Variants in CAMTA1 observed in about 807,000 individuals in gnomAD.
The protein encoded by CAMTA1 is calmodulin-binding transcription activator 1.
CAMTA1 carries 27 observed loss-of-function variants against 170.9 expected under a neutral mutation model. The observed-to-expected ratio is 0.16, with a 90% CI of 0.12 to 0.22. The LOEUF (loss-of-function observed/expected upper bound fraction) is 0.22, where lower values mean the gene tolerates loss of function less well. Among genes scored for constraint, CAMTA1 ranks in the 10% least tolerant of loss-of-function variants. The pLI is 1.00. For synonymous variants in CAMTA1, 833 were observed against 891.5 expected (o/e 0.93, Z 1.17); for missense variants, 1,619 against 2,217.2 (o/e 0.73, Z 5.42).
intron 5 of CAMTA1, among the ~76,000 whole-genome samples, chr1:7,261,755 T>C (rs1372560423): frequency 6.6e-6 from 1 of 152,208 alleles, no homozygotes; most frequent in Non-Finnish European, 1.5e-5. Flanking sequence ...AGCTCCCAGG[T>C]AACATTCAAT....
chr1:6,943,779 G>A (rs1296415745), intron 3 of CAMTA1, among the ~76,000 whole-genome samples: 3 of 150,254 alleles, frequency 2.0e-5, no homozygotes, highest in African/African-American at 4.9e-5. Context: ...CCTGGGAGGC[G>A]GAGGTTGCAG....
chr1:7,419,501 T>C (rs845257), intron 5 of CAMTA1, among the ~76,000 whole-genome samples: 128,125 of 152,076 alleles, frequency 0.84, 54,994 homozygotes, highest in East Asian at 0.98. Context: ...AGGGCTCCCT[T>C]CCTGGGCCAC....
At chr1:6,933,348 C>T (rs1684751500) in intron 3 of CAMTA1, among the ~76,000 whole-genome samples, 1 of 152,168 alleles carries the variant, frequency 6.6e-6, no homozygotes, top group Non-Finnish European at 1.5e-5. Context: ...CAACGTCCAC[C>T]TCCCAGGTTC....
At chr1:7,457,683 G>C (rs2092991623) in intron 5 of CAMTA1, among the ~76,000 whole-genome samples, 1 of 152,162 alleles carries the variant, frequency 6.6e-6, no homozygotes, top group African/African-American at 2.4e-5. Flanking sequence ...AGAGAGGCTG[G>C]GGGAGCCTCC....
chr1:7,359,022 C>T (rs1340349609), intron 5 of CAMTA1, among the ~76,000 whole-genome samples: 2 of 152,152 alleles, frequency 1.3e-5, no homozygotes, highest in African/African-American at 4.8e-5. Flanking sequence ...AGGTAGGAGC[C>T]TCCCTTCTAG....
At chr1:6,847,531 C>T (rs1570860174) in intron 3 of CAMTA1, among the ~76,000 whole-genome samples, 2 of 150,318 alleles carry the variant, frequency 1.3e-5, no homozygotes, top group South Asian at 2.1e-4. Context: ...TGCCACGTTG[C>T]GTTTAAATTT....
At position 7,066,341 on chromosome 1, in the gene CAMTA1, G is replaced by A. The variant is rs538884624; in HGVS notation, c.235-24963G>A. On this transcript the variant is annotated intron_variant, in intron 3 of 22. Coordinates refer to ENST00000303635, the MANE Select transcript of CAMTA1 (RefSeq NM_015215.4). ...AGGTGGGCTGGCTATGCACCACCCC[G>A]GGATCTACAGTGTGGGACAAGGCAC... is the stretch of plus-strand genomic sequence containing the variant. 7.9e-5 allele frequency among the ~76,000 whole-genome samples: 12 copies of A among 152,242 alleles called. No homozygotes were observed. The East Asian group carries it at 1.5e-3, about 20-fold the overall frequency.
Position 7,146,716 on chromosome 1 carries a change from G to C in CAMTA1, c.302+55345G>C, listed in dbSNP as rs140597808. ...GGGGGTAGGGAGAGAAGGGTTTGGC[G>C]TATTGCACACACACAAACACACACT... is the stretch of plus-strand genomic sequence containing the variant. On this transcript the variant is annotated intron_variant, in intron 4 of 22. Transcript: ENST00000303635. The surrounding 1 kb of genome is among the most constrained non-coding windows in gnomAD (Gnocchi z 4.3). Among the ~76,000 whole-genome samples, 208 of 151,962 alleles carry C rather than the reference G, an allele frequency of 1.4e-3. 1 individual carries two copies. The highest frequency in any genetic ancestry group is 4.7e-3 in the African/African-American group (194 of 41,344).
At chr1:7,521,453 C>T (rs542834425) in intron 6 of CAMTA1, among the ~76,000 whole-genome samples, 3 of 151,870 alleles carry the variant, frequency 2.0e-5, no homozygotes, top group African/African-American at 4.8e-5. Context: ...CCCATTTTTA[C>T]TTGCATTTGT....
chr1:7,474,920 G>A (rs768032468), intron 6 of CAMTA1, among the ~76,000 whole-genome samples: 6 of 152,162 alleles, frequency 3.9e-5, no homozygotes, highest in Non-Finnish European at 7.4e-5. Flanking sequence ...CTGCCCTGGC[G>A]GTGAGCTGTG....
chr1:7,075,938 T>C (rs939805226), intron 3 of CAMTA1, among the ~76,000 whole-genome samples: 9 of 151,836 alleles, frequency 5.9e-5, no homozygotes, highest in African/African-American at 1.9e-4. Flanking sequence ...GCTGGGATTA[T>C]AGGTGTAAAC....
rs1272279862 is a variant in CAMTA1 at position 7,673,241 on chromosome 1, A to G, written c.2779+2204A>G. Among the ~76,000 whole-genome samples, 5 of 152,184 alleles carry G rather than the reference A, an allele frequency of 3.3e-5. No homozygotes were observed. The highest frequency in any genetic ancestry group is 5.9e-5 in the Non-Finnish European group (4 of 68,018). Reference sequence around the variant, plus strand: ...GGGCTTTGTGTGGCCCCGGGGCTGGAGTCAGCCACACTCGGGTCCATCCCA... The same window carrying G: ...GGGCTTTGTGTGGCCCCGGGGCTGGGGTCAGCCACACTCGGGTCCATCCCA... On this transcript the variant is annotated intron_variant, in intron 10 of 22. Transcript: ENST00000303635. The surrounding 1 kb of genome is among the most constrained non-coding windows in gnomAD (Gnocchi z 4.6).
At chr1:7,250,259 A>G (rs1666421155) in intron 5 of CAMTA1, among the ~76,000 whole-genome samples, 1 of 152,226 alleles carries the variant, frequency 6.6e-6, no homozygotes, top group Non-Finnish European at 1.5e-5. Context: ...TTGGGCAGCC[A>G]TGGAGAAATT....
intron 10 of CAMTA1, among the ~76,000 whole-genome samples, chr1:7,675,263 G>A (rs538152689): frequency 6.6e-6 from 1 of 152,332 alleles, no homozygotes. Flanking sequence ...ATAGTGAGTG[G>A]GGTACGGGGA....
At position 7,120,647 on chromosome 1, in the gene CAMTA1, C is replaced by T. The variant is rs1644589040; in HGVS notation, c.302+29276C>T. ...CAAGGGACTGCACCAGGGTATGGAG[C>T]CCAAGAGGTAGGGATAACGCAGGGG... is the stretch of plus-strand genomic sequence containing the variant. On this transcript the variant is annotated intron_variant, in intron 4 of 22. Coordinates refer to ENST00000303635, the MANE Select transcript of CAMTA1 (RefSeq NM_015215.4). Among the ~76,000 whole-genome samples, 4 of 152,280 alleles carry T rather than the reference C, an allele frequency of 2.6e-5. No homozygotes were observed. In the South Asian group the frequency reaches 8.3e-4, roughly 32 times the overall value.
chr1:7,678,357 G>A (rs898496759), intron 11 of CAMTA1, among the ~76,000 whole-genome samples: 2 of 152,232 alleles, frequency 1.3e-5, no homozygotes, highest in Non-Finnish European at 2.9e-5. Context: ...GCAAGCCCAG[G>A]ATCACGACTG....
In CAMTA1 at chr1:7,752,565, A is replaced by G. The variant is rs1254106930; in HGVS notation, c.4958+32A>G. On this transcript the variant is annotated intron_variant, in intron 21 of 22. Coordinates refer to ENST00000303635, the MANE Select transcript of CAMTA1 (RefSeq NM_015215.4). ...TAGTCCTTGTTTATACATTCTGCTC[A>G]GGGAGAATGATGAAGCAACCCTGAC... The G allele has an allele frequency of 6.5e-6, 10 of 1,531,780 alleles. No individual in the cohort carries two copies. In the Admixed American group the frequency reaches 9.4e-5, roughly 14 times the overall value. The allele number at this position is 1,531,780 out of a possible 1,614,324, so 94.9% of individuals were successfully genotyped here. A position where few individuals can be genotyped will look rare whatever the true frequency, so the allele number is the denominator to read the frequency against.
At chr1:7,707,967 A>G (rs945539986) in intron 11 of CAMTA1, among the ~76,000 whole-genome samples, 3 of 152,000 alleles carry the variant, frequency 2.0e-5, no homozygotes, top group Admixed American at 1.3e-4. Flanking sequence ...GGAGATAGTT[A>G]CTCTTCACCC....
intron 6 of CAMTA1, among the ~76,000 whole-genome samples, chr1:7,476,127 A>G (rs1011127): frequency 0.6 from 91,370 of 152,128 alleles, 27,552 homozygotes; most frequent in African/African-American, 0.65. Flanking sequence ...TTTGGCCGCC[A>G]CAGCTGAGCT....
Sources: allele counts gnomAD v4.1 joint callset (sites outside exome capture counted in the v4.1 genomes callset), GRCh38; gene constraint gnomAD v4.1.1; non-coding constraint Gnocchi (gnomAD v3.1); transcripts MANE v1.5; gene names NCBI Gene and HGNC (gene_info 2026-07-23, HGNC 2026-07-21).